TBC1D2: variants seen among roughly 807,000 people sequenced by gnomAD.
TBC1D2 encodes the protein TBC1 domain family member 2, also known as TBC1 domain family member 2A.
A neutral mutation model predicts 91.1 loss-of-function variants in TBC1D2; 58 were observed. That is an observed-to-expected ratio of 0.64 (90% CI 0.52 to 0.79). TBC1D2 has a LOEUF of 0.79. Ranked by LOEUF, TBC1D2 falls within the 30% of genes least tolerant of loss-of-function variation. The pLI is 0.00. For missense variants in TBC1D2, 1,080 were observed against 1,208.3 expected (o/e 0.89, Z 1.57); for synonymous variants, 482 against 511.5 (o/e 0.94, Z 0.78).
In TBC1D2 at chr9:98,199,338, C is replaced by T; in HGVS notation, c.*43G>A. On this transcript the variant is annotated 3_prime_UTR_variant, in exon 13 of 13. Transcript: ENST00000465784. The stretch of plus-strand genomic sequence containing the variant: ...CGTGCCTGACCTCCAGTGGGTCTGC[C>T]AGCCAAGGGTGAGGAAGGCTGTGGG... 6.2e-7 allele frequency: 1 copy of T among 1,608,926 alleles called. No homozygotes were observed. Among genetic ancestry groups the T allele is most frequent in the Non-Finnish European group, 8.5e-7 (1 of 1,177,630 alleles).
rs376426928 is a variant in TBC1D2, at chr9:98,203,353, G to C, written c.2206C>G (p.Leu736Val). 46 of 1,614,124 alleles carry C rather than the reference G, an allele frequency of 2.8e-5. 1 individual carries two copies. In the East Asian group the frequency reaches 2.9e-4, roughly 10 times the overall value. ...LEEEESAFWC[L>V]VAIVETIMPA... ...ATGATGGTCTCCACAATGGCCACCA[G>C]GCACCAGAAGGCGCTCTCCTCCTCC... Residue 736 changes from leucine to valine, a missense_variant, in exon 10 of 13, where the codon CTG becomes GTG. By Grantham distance (32) the Leu-to-Val change is conservative. Coordinates refer to ENST00000465784, the MANE Select transcript of TBC1D2 (RefSeq NM_001267571.2).
At chr9:98,242,575 T>G (rs947596613) in intron 3 of TBC1D2, among the ~76,000 whole-genome samples, 8 of 152,190 alleles carry the variant, frequency 5.3e-5, no homozygotes, top group Non-Finnish European at 7.3e-5. Context: ...GCAGCTAATA[T>G]GCATTTCATG....
chr9:98,208,741 C>T lies in TBC1D2; in HGVS notation c.2077G>A (p.Asp693Asn), dbSNP rs200508548. 45 of 1,561,660 alleles carry T rather than the reference C, an allele frequency of 2.9e-5. No homozygotes were observed. The highest frequency in any genetic ancestry group is 7.3e-5 in the South Asian group (6 of 82,618). ...GCCAGCAGCACCCGGCGGAGCTTGT[C>T]GGGGAAGCTGGAGGTGGGGCAGGTG... ...HFTCPTSSFP[D>N]KLRRVLLAFS... is the part of the protein sequence containing the mutation. Residue 693 changes from aspartate (D) to asparagine (N), a missense_variant, in exon 9 of 13, where the codon GAC (aspartate) becomes AAC (asparagine). By Grantham distance (23) the Asp-to-Asn change is conservative. Transcript: ENST00000465784.
Position 98,229,025 on chromosome 9 carries a change from C to T in TBC1D2, c.905G>A (p.Arg302Gln), listed in dbSNP as rs141461345. 56 of 1,614,054 alleles carry T rather than the reference C, an allele frequency of 3.5e-5. No homozygotes were observed. Among genetic ancestry groups the T allele is most frequent in the African/African-American group, 2.4e-4 (18 of 74,914 alleles). ...GGCTGCCACTTTCTCCTGGGCAGTT[C>T]GGTTCCGTGTGATTCCTTCAGAAAA... ...PFFSEGITRNRTAQEKVAALE... is the reference protein window; with the variant it reads ...PFFSEGITRNQTAQEKVAALE... Residue 302 changes from arginine (R) to glutamine (Q), a missense_variant, in exon 5 of 13, where the codon CGA becomes CAA. Physicochemically the swap from Arg to Gln is conservative, Grantham distance 43. Coordinates refer to ENST00000465784, the MANE Select transcript of TBC1D2 (RefSeq NM_001267571.2).
intron 2 of TBC1D2, among the ~76,000 whole-genome samples, chr9:98,245,808 AAC>A (rs781249072): frequency 6.6e-6 from 1 of 152,228 alleles, no homozygotes; most frequent in African/African-American, 2.4e-5. Flanking sequence ...AGATTTTAAA[AAC>A]ACACGCAAAT....
At chr9:98,217,772 G>A (rs1183250742) in intron 6 of TBC1D2, among the ~76,000 whole-genome samples, 1 of 152,066 alleles carries the variant, frequency 6.6e-6, no homozygotes. Flanking sequence ...GAGTGCAGTG[G>A]CGTGATCACA....
rs186917092 is a variant in TBC1D2, at chr9:98,228,877, T to C, written c.978+75A>G. ...TGCCCAGCACGGCTAATGCGTCCCA[T>C]CTAGCTTATCCGAAAGGCTCCAGGA... is the stretch of plus-strand genomic sequence containing the variant. On this transcript the variant is annotated intron_variant, in intron 5 of 12. Transcript: ENST00000465784. This position sits in a 1 kb window ranked among gnomAD's most constrained non-coding sequence, Gnocchi z 4.0. 6.7e-5 allele frequency: 97 copies of C among 1,457,480 alleles called. No homozygotes were observed. In the African/African-American group the frequency reaches 8.2e-4, roughly 12 times the overall value. 90.3% of individuals were successfully genotyped at this position (1,457,480 alleles called of 1,614,324 possible).
chr9:98,220,929 G>C lies in TBC1D2; in HGVS notation c.1278C>G (p.Thr426=), dbSNP rs975520110. Residue 426 remains threonine, a synonymous_variant, in exon 6 of 13, where the codon ACC becomes ACG. Transcript: ENST00000465784. ...GGTCAGGGGGGTGCGTGAAGTCCTG[G>C]GTGACCTTCTCAGAGAGCTTGCAGA... is the stretch of plus-strand genomic sequence containing the variant. The part of the protein sequence containing the change: ...QVICKLSEKV[T]QDFTHPPDQS... 9 of 1,614,176 alleles carry C rather than the reference G, an allele frequency of 5.6e-6. No homozygotes were observed. The highest frequency in any genetic ancestry group is 7.6e-6 in the Non-Finnish European group (9 of 1,180,024).
intron 6 of TBC1D2, among the ~76,000 whole-genome samples, chr9:98,214,852 C>T (rs532118422): frequency 6.6e-6 from 1 of 152,274 alleles, no homozygotes; most frequent in South Asian, 2.1e-4. Context: ...GGAACGAATG[C>T]CCCCTGTTGA....
At chr9:98,245,709 G>GT (rs974914514) in intron 2 of TBC1D2, among the ~76,000 whole-genome samples, 12 of 152,040 alleles carry the variant, frequency 7.9e-5, no homozygotes, top group South Asian at 4.2e-4. Context: ...GTATTTTACT[G>GT]TTTTTTTTCC....
chr9:98,251,439 T>C (rs912160419), intron 2 of TBC1D2, among the ~76,000 whole-genome samples: 13 of 152,210 alleles, frequency 8.5e-5, no homozygotes, highest in Admixed American at 2.6e-4. Flanking sequence ...CTCACAAGTA[T>C]TGGGTTCTGA....
At chr9:98,219,856 G>A (rs1054088403) in intron 6 of TBC1D2, among the ~76,000 whole-genome samples, 5 of 152,190 alleles carry the variant, frequency 3.3e-5, no homozygotes, top group Non-Finnish European at 7.3e-5. Flanking sequence ...GCAGGGTTTG[G>A]GGCAGGACGA....
chr9:98,199,706 T>C (rs564153359), intron 12 of TBC1D2, 118 bp from the exon 13 acceptor site: 2 of 1,016,574 alleles, frequency 2.0e-6, no homozygotes, highest in East Asian at 2.4e-5. Flanking sequence ...CCCTGACCCC[T>C]GCCCTCAGGA....
At chr9:98,240,194 T>TGTGTG in intron 3 of TBC1D2, among the ~76,000 whole-genome samples, 2 of 150,906 alleles carry the variant, frequency 1.3e-5, no homozygotes, top group African/African-American at 4.9e-5. Context: ...TGTGTGTGTG[T>TGTGTG]TTTGTATAGT....
chr9:98,251,074 C>G (rs1183896289), intron 2 of TBC1D2, among the ~76,000 whole-genome samples: 1 of 152,094 alleles, frequency 6.6e-6, no homozygotes, highest in East Asian at 1.9e-4. Flanking sequence ...ATCACGAGGT[C>G]AGGAGTTCAA....
At chr9:98,249,435 C>A (rs1829828758) in intron 2 of TBC1D2, among the ~76,000 whole-genome samples, 2 of 152,328 alleles carry the variant, frequency 1.3e-5, no homozygotes, top group South Asian at 4.1e-4. Context: ...GATCCCAGAG[C>A]CGTTCTTCCA....
chr9:98,243,513 T>C (rs986634183), intron 3 of TBC1D2, among the ~76,000 whole-genome samples: 1 of 151,618 alleles, frequency 6.6e-6, no homozygotes, highest in Non-Finnish European at 1.5e-5. Context: ...AATGAACATG[T>C]ACCACTTTTC....
intron 9 of TBC1D2, among the ~76,000 whole-genome samples, chr9:98,208,446 T>G (rs1192377802): frequency 6.6e-6 from 1 of 152,178 alleles, no homozygotes; most frequent in African/African-American, 2.4e-5. Context: ...ATCCCTCGCA[T>G]GCAGAGTTCA....
intron 10 of TBC1D2, 33 bp downstream of exon 10, chr9:98,203,255 A>C: frequency 6.2e-7 from 1 of 1,613,194 alleles, no homozygotes; most frequent in Non-Finnish European, 8.5e-7. Context: ...ACTGCCCTAC[A>C]TGGCTGCAAA....
Sources: gnomAD v4.1 joint callset for allele counts (sites outside exome capture counted in the v4.1 genomes callset) on GRCh38, gnomAD v4.1.1 for gene constraint, Gnocchi (gnomAD v3.1) non-coding constraint, MANE v1.5 for transcripts, NCBI Gene and HGNC (gene_info 2026-07-23, HGNC 2026-07-21) for gene names.